KCNIP4: variants seen among roughly 807,000 people sequenced by gnomAD.
KCNIP4 encodes potassium voltage-gated channel interacting protein 4.
KCNIP4 carries 12 observed loss-of-function variants against 34.0 expected under a neutral mutation model. The ratio of observed to expected loss-of-function variants is 0.35; its 90% CI spans 0.23 to 0.57. The LOEUF is 0.57. Ranked by LOEUF, KCNIP4 falls within the 20% of genes least tolerant of loss-of-function variation. KCNIP4 has a pLI of 0.83. For missense variants in KCNIP4, 238 were observed against 311.7 expected (o/e 0.76, Z 1.78); for synonymous variants, 124 against 102.2 (o/e 1.21, Z -1.29).
At chr4:21,731,863 T>C (rs192757868) in intron 1 of KCNIP4, among the ~76,000 whole-genome samples, 3 of 152,182 alleles carry the variant, frequency 2.0e-5, no homozygotes, top group South Asian at 2.1e-4. Flanking sequence ...GCTAAATACA[T>C]ATGGACCTCC....
chr4:20,997,230 G>T (rs770830341), intron 1 of KCNIP4, among the ~76,000 whole-genome samples: 44 of 152,176 alleles, frequency 2.9e-4, no homozygotes, highest in Non-Finnish European at 4.9e-4. Flanking sequence ...AAAGAAAAGA[G>T]AAAGGAAACA....
chr4:21,301,156 T>A (rs1203102090), intron 1 of KCNIP4, among the ~76,000 whole-genome samples: 1 of 152,156 alleles, frequency 6.6e-6, no homozygotes, highest in Non-Finnish European at 1.5e-5. Flanking sequence ...ATCCCCAGTC[T>A]TCTACAATGA....
intron 1 of KCNIP4, among the ~76,000 whole-genome samples, chr4:21,338,770 C>T (rs571651665): frequency 1.1e-4 from 16 of 152,038 alleles, no homozygotes; most frequent in South Asian, 4.2e-4. Flanking sequence ...GTTAATCCTT[C>T]GTGGCCCAGA....
intron 1 of KCNIP4, chr4:21,697,269 T>A: frequency 7.4e-7 from 1 of 1,355,976 alleles, no homozygotes. Context: ...AGAAATAGCC[T>A]TTCCTATTCC....
chr4:21,407,060 C>T (rs2109574075), intron 1 of KCNIP4, among the ~76,000 whole-genome samples: 1 of 152,170 alleles, frequency 6.6e-6, no homozygotes. Flanking sequence ...CAACATAGAC[C>T]TTAAATGATT....
intron 1 of KCNIP4, among the ~76,000 whole-genome samples, chr4:21,117,316 G>GGGGGGGGT (rs1749779863): frequency 8.0e-6 from 1 of 125,008 alleles, no homozygotes; most frequent in Non-Finnish European, 1.8e-5. Flanking sequence ...GGGGGGGGGG[G>GGGGGGGGT]GGGCGCTGTT....
At chr4:21,237,377 A>C (rs1759444210) in intron 1 of KCNIP4, among the ~76,000 whole-genome samples, 1 of 152,158 alleles carries the variant, frequency 6.6e-6, no homozygotes, top group African/African-American at 2.4e-5. Context: ...TCAAATAGGT[A>C]ATAACATAAT....
intron 1 of KCNIP4, among the ~76,000 whole-genome samples, chr4:21,058,664 T>C (rs1743635146): frequency 6.6e-6 from 1 of 152,138 alleles, no homozygotes; most frequent in Admixed American, 6.6e-5. Context: ...GTTTCTATTA[T>C]AATTAAAAAC....
chr4:21,382,584 C>A (rs1162601897), intron 1 of KCNIP4, among the ~76,000 whole-genome samples: 1 of 152,020 alleles, frequency 6.6e-6, no homozygotes, highest in Non-Finnish European at 1.5e-5. Context: ...TCAAATTTTA[C>A]AATTCTTCAC....
intron 1 of KCNIP4, among the ~76,000 whole-genome samples, chr4:21,456,107 G>T (rs1728934884): frequency 6.8e-6 from 1 of 146,562 alleles, no homozygotes. Flanking sequence ...AATGGCTGAA[G>T]AATTTCTTCT....
intron 1 of KCNIP4, among the ~76,000 whole-genome samples, chr4:20,978,676 A>G (rs773862312): frequency 4.6e-5 from 7 of 152,160 alleles, no homozygotes; most frequent in Non-Finnish European, 1.0e-4. Flanking sequence ...CACCTCCACC[A>G]TGGAGTCATC....
chr4:21,438,471 A>C (rs148622740), intron 1 of KCNIP4, among the ~76,000 whole-genome samples: 1 of 152,352 alleles, frequency 6.6e-6, no homozygotes, highest in African/African-American at 2.4e-5. Context: ...GTGGGAATAT[A>C]TGATTCAAAT....
chr4:21,000,632 C>T (rs919548837), intron 1 of KCNIP4, among the ~76,000 whole-genome samples: 1 of 151,914 alleles, frequency 6.6e-6, no homozygotes, highest in Non-Finnish European at 1.5e-5. Context: ...TTGCAGTGAG[C>T]CAAGATCGCG....
intron 1 of KCNIP4, among the ~76,000 whole-genome samples, chr4:21,201,154 T>C (rs1039455084): frequency 3.9e-5 from 6 of 152,254 alleles, no homozygotes; most frequent in African/African-American, 1.4e-4. Context: ...TCAGATGAGA[T>C]TGCAGATGCC....
At chr4:20,912,250 T>A (rs1728395147) in intron 1 of KCNIP4, among the ~76,000 whole-genome samples, 1 of 152,092 alleles carries the variant, frequency 6.6e-6, no homozygotes, top group South Asian at 2.1e-4. Context: ...AGCAAAATTA[T>A]CTCCATTTGC....
At chr4:20,750,839 TTC>T (rs1414703087) in intron 4 of KCNIP4, among the ~76,000 whole-genome samples, 1 of 152,224 alleles carries the variant, frequency 6.6e-6, no homozygotes, top group Non-Finnish European at 1.5e-5. Flanking sequence ...GCCTTTTATC[TTC>T]TGTTTTAAAT....
intron 1 of KCNIP4, among the ~76,000 whole-genome samples, chr4:21,751,939 ACTGT>A (rs1717175695): frequency 6.6e-6 from 1 of 152,128 alleles, no homozygotes; most frequent in African/African-American, 2.4e-5. Context: ...ACTAATAGAA[ACTGT>A]CTTTCTACTG....
intron 1 of KCNIP4, among the ~76,000 whole-genome samples, chr4:21,621,550 G>C (rs990295019): frequency 6.6e-6 from 1 of 152,068 alleles, no homozygotes; most frequent in African/African-American, 2.4e-5. Context: ...TAGAGACAGG[G>C]TATCACCATG....
intron 1 of KCNIP4, among the ~76,000 whole-genome samples, chr4:21,230,415 A>G (rs1015320653): frequency 6.6e-6 from 1 of 152,166 alleles, no homozygotes; most frequent in Non-Finnish European, 1.5e-5. Flanking sequence ...AAACGTGTGC[A>G]AGAGTGGTTT....
Sources: gnomAD v4.1 joint callset for allele counts (sites outside exome capture counted in the v4.1 genomes callset) on GRCh38, gnomAD v4.1.1 for gene constraint, MANE v1.5 for transcripts, NCBI Gene and HGNC (gene_info 2026-07-23, HGNC 2026-07-21) for gene names.